The following RIMS1 variants were observed in gnomAD, a reference collection of about 807,000 sequenced individuals.
RIMS1 encodes the protein regulating synaptic membrane exocytosis 1, also known as regulating synaptic membrane exocytosis protein 1.
RIMS1 carries 83 observed loss-of-function variants against 214.1 expected under a neutral mutation model. That is an observed-to-expected ratio of 0.39 (90% confidence interval 0.32 to 0.47). The LOEUF (loss-of-function observed/expected upper bound fraction) is 0.47. Ranked by LOEUF, RIMS1 falls within the 20% of genes least tolerant of loss-of-function variation. The pLI is 0.99. For synonymous variants in RIMS1, 793 were observed against 786.8 expected, an observed-to-expected ratio of 1.01 and a Z score of -0.13; for missense variants, 2,050 against 2,161.8, an observed-to-expected ratio of 0.95 and a Z score of 1.03.
chr6:72,071,226 C>G (rs1830511721), intron 2 of RIMS1, among the ~76,000 whole-genome samples: 1 of 152,000 alleles, frequency 6.6e-6, no homozygotes, highest in Non-Finnish European at 1.5e-5. Context: ...TGAGACTCCC[C>G]AATCTCTACA....
chr6:72,232,911 A>T (rs2062556524), intron 6 of RIMS1, among the ~76,000 whole-genome samples: 1 of 151,862 alleles, frequency 6.6e-6, no homozygotes, highest in South Asian at 2.1e-4. Flanking sequence ...CTCATTATTA[A>T]CTAGCATGCT....
chr6:72,380,469 A>G (rs2098467494), intron 29 of RIMS1, among the ~76,000 whole-genome samples: 1 of 152,230 alleles, frequency 6.6e-6, no homozygotes, highest in Non-Finnish European at 1.5e-5. Flanking sequence ...TTACTTTATT[A>G]TTATAGTCAG....
chr6:72,232,997 T>G (rs1430819468), intron 6 of RIMS1, among the ~76,000 whole-genome samples: 1 of 151,838 alleles, frequency 6.6e-6, no homozygotes, highest in East Asian at 1.9e-4. Context: ...TGTTGAAAAT[T>G]TAAAAGGGAA....
At chr6:71,989,954 G>C (rs1312663298) in intron 2 of RIMS1, among the ~76,000 whole-genome samples, 2 of 152,132 alleles carry the variant, frequency 1.3e-5, no homozygotes, top group Non-Finnish European at 1.5e-5. Context: ...TGTCCATCGT[G>C]TCAGGGACAC....
intron 4 of RIMS1, among the ~76,000 whole-genome samples, chr6:72,179,089 A>G (rs2048106401): frequency 6.6e-6 from 1 of 152,192 alleles, no homozygotes; most frequent in Non-Finnish European, 1.5e-5. Flanking sequence ...GAATATTTTT[A>G]ATATTGCCTT....
intron 4 of RIMS1, among the ~76,000 whole-genome samples, chr6:72,130,301 A>G (rs1190618479): frequency 1.3e-5 from 2 of 151,982 alleles, no homozygotes; most frequent in African/African-American, 2.4e-5. Flanking sequence ...TTCTGAATGT[A>G]TTATTTTGTA....
Position 72,157,242 on chromosome 6 carries a change from A to T in RIMS1, c.472-22333A>T, listed in dbSNP as rs2044560254. Among the ~76,000 whole-genome samples, 2 of 140,596 alleles carry T rather than the reference A, an allele frequency of 1.4e-5. 1 individual carries two copies. Among genetic ancestry groups the T allele is most frequent in the Admixed American group, 1.5e-4 (2 of 13,750 alleles). 92.2% of individuals were successfully genotyped at this position (140,596 alleles called of 152,430 possible). On this transcript the variant is annotated intron_variant, in intron 4 of 33. Transcript: ENST00000521978. ...ACAGACTGCATCAAATATATAGAGC[A>T]TTTGTAGAACAACAAATTTATACTT...
In RIMS1 at chr6:72,037,130, G is replaced by A. The variant is rs6906605; in HGVS notation, c.246-59819G>A. ...ATATTTACTTCCTTATAGCAAAGGC[G>A]GTTTGGAGGTTGGGGGTGGGGGTGG... On this transcript the variant is annotated intron_variant, in intron 2 of 33. Coordinates refer to ENST00000521978, the MANE Select transcript of RIMS1 (RefSeq NM_014989.7). 3.1e-3 allele frequency among the ~76,000 whole-genome samples: 471 copies of A among 151,996 alleles called. 1 individual carries two copies. The highest frequency in any genetic ancestry group is 0.011 in the African/African-American group (449 of 41,466).
chr6:72,294,651 T>TG (rs2093860990), intron 26 of RIMS1, among the ~76,000 whole-genome samples: 1 of 151,780 alleles, frequency 6.6e-6, no homozygotes, highest in South Asian at 2.1e-4. Flanking sequence ...GGAAGTATTT[T>TG]TTTTCTTATA....
intron 4 of RIMS1, among the ~76,000 whole-genome samples, chr6:72,151,044 T>A (rs2043486882): frequency 6.6e-6 from 1 of 152,142 alleles, no homozygotes; most frequent in African/African-American, 2.4e-5. Flanking sequence ...ATATTCTATT[T>A]TTTTTTTCTT....
rs1015412242 is a variant in RIMS1, at chr6:72,390,712, T to C, written c.4481T>C (p.Ile1494Thr). 2.5e-6 allele frequency: 4 copies of C among 1,613,882 alleles called. No individual in the cohort carries two copies. The highest frequency in any genetic ancestry group is 3.4e-6 in the Non-Finnish European group (4 of 1,179,794). ...QPSRESTDGS[I>T]NSYSSEGNLI... ...AGCCGAGAGTCTACTGATGGCAGCA[T>C]CAACAGTTACAGCTCTGAGGGCAAG... is the stretch of plus-strand genomic sequence containing the variant. The change falls in exon 30 of 34, where the codon ATC becomes ACC. Residue 1494 changes from isoleucine (I) to threonine (T), a missense_variant. Physicochemically the swap from Ile to Thr is moderately conservative, Grantham distance 89. Around this residue, in one of 6 missense-constraint regions of RIMS1, gnomAD observed 121 missense variants for 187.3 expected, o/e 0.65. Transcript: ENST00000521978.
intron 2 of RIMS1, among the ~76,000 whole-genome samples, chr6:72,082,529 C>A (rs1833661964): frequency 6.6e-6 from 1 of 152,084 alleles, no homozygotes; most frequent in African/African-American, 2.4e-5. Flanking sequence ...AAGTTTTGAA[C>A]CCAGGAAATT....
At chr6:72,116,564 T>G (rs1284177980) in intron 4 of RIMS1, among the ~76,000 whole-genome samples, 3 of 152,008 alleles carry the variant, frequency 2.0e-5, no homozygotes, top group Non-Finnish European at 4.4e-5. Context: ...CATCTTAATT[T>G]CCCTACTTTA....
Position 72,138,666 on chromosome 6 carries a change from CA to C in RIMS1, c.471+38687del, listed in dbSNP as rs952355955. 7.4e-4 allele frequency among the ~76,000 whole-genome samples: 112 copies of C among 151,724 alleles called. 1 individual carries two copies. Among genetic ancestry groups the C allele is most frequent in the African/African-American group, 1.5e-3 (60 of 41,368 alleles). On this transcript the variant is annotated intron_variant, in intron 4 of 33. Coordinates refer to ENST00000521978, the MANE Select transcript of RIMS1 (RefSeq NM_014989.7). ...CACTCTTAAATAAAAAATAATTCAA[CA>C]AAAAAATATAAAAAGTAAATTTGCA...
chr6:71,956,282 CTCTT>C (rs759062524), intron 1 of RIMS1, among the ~76,000 whole-genome samples: 5 of 151,934 alleles, frequency 3.3e-5, no homozygotes, highest in Admixed American at 6.6e-5. Flanking sequence ...TTTAATCTTT[CTCTT>C]TCTTTCTTTC....
chr6:72,194,188 A>G (rs566458985), intron 6 of RIMS1, among the ~76,000 whole-genome samples: 145 of 152,290 alleles, frequency 9.5e-4, no homozygotes, highest in Middle Eastern at 3.4e-3. Context: ...TACAAATTCA[A>G]TGCAATTCCT....
intron 4 of RIMS1, among the ~76,000 whole-genome samples, chr6:72,114,465 A>C (rs1234946135): frequency 6.6e-6 from 1 of 152,050 alleles, no homozygotes; most frequent in Non-Finnish European, 1.5e-5. Context: ...AGATCATTTG[A>C]TTAATTTATG....
intron 2 of RIMS1, among the ~76,000 whole-genome samples, chr6:72,042,890 A>G (rs1821852993): frequency 6.6e-6 from 1 of 151,840 alleles, no homozygotes; most frequent in South Asian, 2.1e-4. Flanking sequence ...ACTTGGCCAA[A>G]TAAGTATTCC....
chr6:72,277,606 A>G (rs187745477), intron 23 of RIMS1, among the ~76,000 whole-genome samples: 61 of 151,980 alleles, frequency 4.0e-4, no homozygotes, highest in Non-Finnish European at 8.4e-4. Context: ...AATATTTTCT[A>G]GAAATTGAGG....
Sources: allele counts gnomAD v4.1 joint callset (sites outside exome capture counted in the v4.1 genomes callset), GRCh38; gene constraint gnomAD v4.1.1; regional missense constraint gnomAD v4.1.1; transcripts MANE v1.5; gene names NCBI Gene and HGNC (gene_info 2026-07-23, HGNC 2026-07-21).